ZNF462: variants seen among roughly 807,000 people sequenced by gnomAD.
ZNF462 encodes zinc finger protein 462.
In ZNF462, 10 loss-of-function variants were observed where a neutral mutation model predicts 201.9. That is an observed-to-expected ratio of 0.05 (90% CI 0.03 to 0.08). ZNF462 has a LOEUF of 0.08. Among genes scored for constraint, ZNF462 ranks in the 10% least tolerant of loss-of-function variants. ZNF462 has a pLI of 1.00. For synonymous variants in ZNF462, 1,227 were observed against 1,193.3 expected (o/e 1.03, Z -0.58); for missense variants, 2,523 against 3,168.3 (o/e 0.80, Z 4.89).
intron 1 of ZNF462, among the ~76,000 whole-genome samples, chr9:106,882,045 T>A (rs917872942): frequency 5.3e-5 from 8 of 152,240 alleles, no homozygotes; most frequent in African/African-American, 1.9e-4. Flanking sequence ...TACAAGCCTT[T>A]TTTCTATCAC....
At position 106,926,764 on chromosome 9, in the gene ZNF462, T is replaced by C. The variant is rs758831741; in HGVS notation, c.2852T>C (p.Val951Ala). The change falls in exon 3 of 13, where the codon GTG becomes GCG. Residue 951 changes from valine (V) to alanine (A), a missense_variant. Transcript: ENST00000277225. This position sits in a 1 kb window ranked among gnomAD's most constrained non-coding sequence, Gnocchi z 7.9. ...CATTACCAAAGAATGCATCCCACGG[T>C]GAAGATCAACAACGCGATGATATTT... ...MPHYQRMHPT[V>A]KINNAMIFSS... 6.2e-7 allele frequency: 1 copy of C among 1,614,046 alleles called. No homozygotes were observed. Among genetic ancestry groups the C allele is most frequent in the Non-Finnish European group, 8.5e-7 (1 of 1,180,014 alleles).
Position 106,950,123 on chromosome 9 carries a change from T to G in ZNF462, c.6427+11016T>G, listed in dbSNP as rs1831276961. 6.6e-6 allele frequency among the ~76,000 whole-genome samples: 1 copy of G among 152,198 alleles called. No individual in the cohort carries two copies. Among genetic ancestry groups the G allele is most frequent in the African/African-American group, 2.4e-5 (1 of 41,454 alleles). On this transcript the variant is annotated intron_variant, in intron 7 of 12. Coordinates refer to ENST00000277225, the MANE Select transcript of ZNF462 (RefSeq NM_021224.6). The surrounding 1 kb of genome is among the most constrained non-coding windows in gnomAD (Gnocchi z 4.1). ...GAATAACCTTCACTCCTGCCCTTCC[T>G]CTGATGTTAGCCAGTCTTTCTGATT...
chr9:106,932,370 T>C lies in ZNF462; in HGVS notation c.6013-76T>C, dbSNP rs1830459722. ...TGGATGGTGAACACTGCTTGCTTGA[T>C]GGAATGTTGGAGGATGAAACCCGGC... On this transcript the variant is annotated intron_variant, in intron 4 of 12. Transcript: ENST00000277225. The surrounding 1 kb of genome is among the most constrained non-coding windows in gnomAD (Gnocchi z 6.8). 6.2e-7 allele frequency: 1 copy of C among 1,604,186 alleles called. No individual in the cohort carries two copies. Among genetic ancestry groups the C allele is most frequent in the Non-Finnish European group, 8.5e-7 (1 of 1,175,186 alleles).
chr9:106,910,584 G>A (rs913202052), intron 1 of ZNF462, among the ~76,000 whole-genome samples: 2 of 151,886 alleles, frequency 1.3e-5, no homozygotes, highest in African/African-American at 4.8e-5. Flanking sequence ...TTCCTGGGCA[G>A]GACACAGTTG....
intron 1 of ZNF462, among the ~76,000 whole-genome samples, chr9:106,875,241 A>G (rs1827778106): frequency 1.3e-5 from 2 of 152,160 alleles, no homozygotes; most frequent in South Asian, 4.1e-4. Flanking sequence ...GTCTGTGACC[A>G]TGCACATATT....
intron 7 of ZNF462, among the ~76,000 whole-genome samples, chr9:106,945,100 A>C (rs992456832): frequency 6.6e-6 from 1 of 152,228 alleles, no homozygotes; most frequent in Admixed American, 6.5e-5. Flanking sequence ...TCCAGTCTTT[A>C]ATAAATGTCA....
Position 106,984,990 on chromosome 9 carries a change from G to C in ZNF462, c.7056+581G>C, listed in dbSNP as rs149912165. Among the ~76,000 whole-genome samples, 1 of 152,142 alleles carries C rather than the reference G, an allele frequency of 6.6e-6. No homozygotes were observed. Among genetic ancestry groups the C allele is most frequent in the African/African-American group, 2.4e-5 (1 of 41,524 alleles). On this transcript the variant is annotated intron_variant, in intron 10 of 12. Coordinates refer to ENST00000277225, the MANE Select transcript of ZNF462 (RefSeq NM_021224.6). This position sits in a 1 kb window ranked among gnomAD's most constrained non-coding sequence, Gnocchi z 6.4. ...GCCAGGCATGGTGGTGTGCACCTGT[G>C]GTCCCAACTACTTGGGAGGCTGAGG...
intron 7 of ZNF462, among the ~76,000 whole-genome samples, chr9:106,947,888 A>T (rs1346329256): frequency 6.6e-6 from 1 of 152,212 alleles, no homozygotes; most frequent in Non-Finnish European, 1.5e-5. Flanking sequence ...TTCTACAGGA[A>T]ATGAAAGACA....
At chr9:106,944,896 C>G (rs946573340) in intron 7 of ZNF462, among the ~76,000 whole-genome samples, 1 of 152,186 alleles carries the variant, frequency 6.6e-6, no homozygotes, top group Non-Finnish European at 1.5e-5. Context: ...TATGCAGTCT[C>G]TGTCACAACT....
Position 106,933,638 on chromosome 9 carries a change from A to T in ZNF462, c.6116+1089A>T, listed in dbSNP as rs1021494145. Among the ~76,000 whole-genome samples, 9 of 151,322 alleles carry T rather than the reference A, an allele frequency of 5.9e-5. No individual in the cohort carries two copies. Among genetic ancestry groups the T allele is most frequent in the Non-Finnish European group, 8.8e-5 (6 of 67,834 alleles). ...GGGTCAAGGGTTGGTTTATGAAATT[A>T]AAAAAAAACAAAACAAAACCCACTG... On this transcript the variant is annotated intron_variant, in intron 5 of 12. Transcript: ENST00000277225. This position sits in a 1 kb window ranked among gnomAD's most constrained non-coding sequence, Gnocchi z 4.3.
rs141237881 is a variant in ZNF462 at position 107,011,193 on chromosome 9, G to C, written c.*163G>C. 7.4e-4 allele frequency: 459 copies of C among 617,546 alleles called. 3 individuals carry two copies. In the East Asian group the frequency reaches 0.013, roughly 17 times the overall value. The allele number at this position is 617,546 out of a possible 1,614,324, so 38.3% of individuals were successfully genotyped here. A position where few individuals can be genotyped will look rare whatever the true frequency, so the allele number is the denominator to read the frequency against. ...AAAGCACTGGTACCTGTGTGAGTGA[G>C]TATGTAAATTAAAGTTATTTAAATG... On this transcript the variant is annotated 3_prime_UTR_variant, in exon 13 of 13. Coordinates refer to ENST00000277225, the MANE Select transcript of ZNF462 (RefSeq NM_021224.6). The surrounding 1 kb of genome is among the most constrained non-coding windows in gnomAD (Gnocchi z 5.6).
intron 1 of ZNF462, among the ~76,000 whole-genome samples, chr9:106,888,240 A>G (rs374930318): frequency 7.3e-5 from 11 of 151,644 alleles, no homozygotes; most frequent in African/African-American, 2.7e-4. Flanking sequence ...ACAGGGTTTC[A>G]CCGTGTTAGC....
intron 1 of ZNF462, among the ~76,000 whole-genome samples, chr9:106,912,142 C>G (rs1829576593): frequency 6.6e-6 from 1 of 152,146 alleles, no homozygotes; most frequent in South Asian, 2.1e-4. Flanking sequence ...TTCAGCTAGC[C>G]TCTTCAGTGA....
At position 106,930,891 on chromosome 9, in the gene ZNF462, T is replaced by C. The variant is rs1830396940; in HGVS notation, c.6012+202T>C. ...TGTTCAGGGAAAGGTCGAGTTTCGA[T>C]CTGGTTTCCTTCCACGCGGATAGTT... is the stretch of plus-strand genomic sequence containing the variant. On this transcript the variant is annotated intron_variant, in intron 4 of 12. Transcript: ENST00000277225. The surrounding 1 kb of genome is among the most constrained non-coding windows in gnomAD (Gnocchi z 5.8). 1 of 571,654 alleles carries C rather than the reference T, an allele frequency of 1.7e-6. No homozygotes were observed. The highest frequency in any genetic ancestry group is 2.3e-5 in the South Asian group (1 of 42,902). The allele number at this position is 571,654 out of a possible 1,614,324, so 35.4% of individuals were successfully genotyped here. A position where few individuals can be genotyped will look rare whatever the true frequency, so the allele number is the denominator to read the frequency against.
intron 1 of ZNF462, among the ~76,000 whole-genome samples, chr9:106,897,817 G>A (rs143047157): frequency 6.6e-6 from 1 of 151,872 alleles, no homozygotes; most frequent in Non-Finnish European, 1.5e-5. Flanking sequence ...AGGGAAAGAG[G>A]CCAGCAGCAG....
intron 10 of ZNF462, among the ~76,000 whole-genome samples, chr9:106,989,601 T>A (rs1828111742): frequency 6.6e-6 from 1 of 152,072 alleles, no homozygotes; most frequent in South Asian, 2.1e-4. Context: ...TGGGATAGTG[T>A]CAAAAGTAAT....
At chr9:106,918,679 C>T (rs745975967) in intron 1 of ZNF462, among the ~76,000 whole-genome samples, 1 of 152,148 alleles carries the variant, frequency 6.6e-6, no homozygotes, top group Non-Finnish European at 1.5e-5. Flanking sequence ...ATATTAATCT[C>T]CCAATACACA....
intron 1 of ZNF462, among the ~76,000 whole-genome samples, chr9:106,896,343 T>A (rs949936675): frequency 6.6e-6 from 1 of 152,172 alleles, no homozygotes; most frequent in East Asian, 1.9e-4. Flanking sequence ...ATGATTTTTT[T>A]AAAAAATGAG....
At chr9:106,922,738 A>G (rs973433500) in intron 1 of ZNF462, among the ~76,000 whole-genome samples, 1 of 152,184 alleles carries the variant, frequency 6.6e-6, no homozygotes, top group Non-Finnish European at 1.5e-5. Flanking sequence ...GGAAAAAAAA[A>G]CCCACAACTA....
Sources: gnomAD v4.1 joint callset for allele counts (sites outside exome capture counted in the v4.1 genomes callset) on GRCh38, gnomAD v4.1.1 for gene constraint, Gnocchi (gnomAD v3.1) non-coding constraint, MANE v1.5 for transcripts, NCBI Gene and HGNC (gene_info 2026-07-23, HGNC 2026-07-21) for gene names.